ARMCX4: variants seen among roughly 807,000 people sequenced by gnomAD.
ARMCX4 encodes armadillo repeat containing X-linked 4.
Under a neutral mutation model 34.7 loss-of-function variants are expected in ARMCX4, and 3 were observed. That is an observed-to-expected ratio of 0.09 (90% CI 0.04 to 0.22). ARMCX4 has a LOEUF of 0.22. Ranked by LOEUF, ARMCX4 falls within the 10% of genes least tolerant of loss-of-function variation. ARMCX4 has a pLI of 1.00. For missense variants in ARMCX4, 1,448 were observed against 1,720.8 expected (o/e 0.84, Z 2.81); for synonymous variants, 513 against 632.8 (o/e 0.81, Z 2.84).
intron 4 of ARMCX4, among the ~76,000 whole-genome samples, chrX:101,454,888 A>G (rs1283209170): frequency 3.6e-5 from 4 of 110,860 alleles, no homozygotes; most frequent in African/African-American, 9.9e-5. Flanking sequence ...CTAACTTTTC[A>G]CTGTACTCTC....
In ARMCX4 at chrX:101,495,475, T is replaced by TA; in HGVS notation, c.*13_*14insA. 9.2e-7 allele frequency: 1 copy of TA among 1,089,910 alleles called. No homozygotes were observed. Among genetic ancestry groups the TA allele is most frequent in the South Asian group, 2.4e-5 (1 of 41,995 alleles). The allele number at this position is 1,089,910 out of a possible 1,213,427, so 89.8% of individuals were successfully genotyped here. ...AAGTAAACTCTGATTGGCTGTATGT[T>TA]CCCAAACAAATTTGAGTAATATTTT... On this transcript the variant is annotated 3_prime_UTR_variant, in exon 6 of 6. Coordinates refer to ENST00000423738, the MANE Select transcript of ARMCX4 (RefSeq NM_001256155.3).
At chrX:101,430,385 G>T (rs1375862899) in intron 2 of ARMCX4, among the ~76,000 whole-genome samples, 1 of 112,228 alleles carries the variant, frequency 8.9e-6, no homozygotes, top group Admixed American at 9.5e-5. Context: ...TTTTAAGGAG[G>T]TCTAATCAAC....
At chrX:101,438,640 G>T (rs2147553967) in intron 2 of ARMCX4, among the ~76,000 whole-genome samples, 1 of 111,570 alleles carries the variant, frequency 9.0e-6, no homozygotes, top group African/African-American at 3.3e-5. Context: ...CTTGCTTTAT[G>T]AATCTGGGTG....
At chrX:101,477,509 T>G (rs1321316154) in intron 4 of ARMCX4, among the ~76,000 whole-genome samples, 5 of 99,837 alleles carry the variant, frequency 5.0e-5, no homozygotes, top group African/African-American at 1.8e-4. Flanking sequence ...GAAAGACAAT[T>G]ACTGTGCTCA....
At chrX:101,424,996 T>C (rs1009910755) in intron 2 of ARMCX4, among the ~76,000 whole-genome samples, 12 of 111,753 alleles carry the variant, frequency 1.1e-4, no homozygotes, top group African/African-American at 3.6e-4. Context: ...ATTCAAGCCA[T>C]GTGTGGGGAT....
intron 2 of ARMCX4, among the ~76,000 whole-genome samples, chrX:101,432,445 G>A (rs928497852): frequency 9.0e-6 from 1 of 110,898 alleles, no homozygotes; most frequent in Admixed American, 9.7e-5. Flanking sequence ...GTAGGATCAC[G>A]AAGTCAGGAG....
chrX:101,501,858 C>T (rs1053445223), intron 7 of ARMCX4, among the ~76,000 whole-genome samples: 4 of 111,713 alleles, frequency 3.6e-5, no homozygotes, highest in Non-Finnish European at 7.5e-5. Flanking sequence ...GTCTTTACTG[C>T]ATCCTGTTTT....
chrX:101,528,392 A>T (rs1339904994), intron 11 of ARMCX4, among the ~76,000 whole-genome samples: 2 of 111,975 alleles, frequency 1.8e-5, no homozygotes, highest in East Asian at 5.6e-4. Flanking sequence ...GAATGGCAAA[A>T]ACTGGAAGCA....
intron 4 of ARMCX4, among the ~76,000 whole-genome samples, chrX:101,468,856 T>C (rs1253825963): frequency 1.8e-5 from 2 of 111,229 alleles, no homozygotes; most frequent in African/African-American, 6.5e-5. Flanking sequence ...GTATTTTTCA[T>C]AGGCTTCAGT....
intron 4 of ARMCX4, among the ~76,000 whole-genome samples, chrX:101,467,421 G>C (rs1295844281): frequency 2.7e-5 from 3 of 112,031 alleles, no homozygotes; most frequent in Non-Finnish European, 5.6e-5. Flanking sequence ...AAAATGCTGG[G>C]ATTACAGGCA....
At chrX:101,445,751 ACC>A (rs1931583758) in intron 3 of ARMCX4, among the ~76,000 whole-genome samples, 1 of 110,552 alleles carries the variant, frequency 9.0e-6, no homozygotes, top group African/African-American at 3.3e-5. Flanking sequence ...CCTTTCCCCT[ACC>A]CCTATCTATT....
chrX:101,470,334 A>T (rs1173028379), intron 4 of ARMCX4, among the ~76,000 whole-genome samples: 1 of 109,747 alleles, frequency 9.1e-6, no homozygotes, highest in Non-Finnish European at 1.9e-5. Flanking sequence ...CCTTTTTGAG[A>T]CAGAGTCTCA....
intron 12 of ARMCX4, chrX:101,532,209 T>C (rs1935143127): frequency 1.8e-5 from 2 of 111,643 alleles, no homozygotes; most frequent in Admixed American, 9.6e-5. Flanking sequence ...TTTTTCCCCA[T>C]AGTGAGGTTA....
chrX:101,503,100 A>G (rs1188320615), intron 7 of ARMCX4, among the ~76,000 whole-genome samples: 4 of 109,178 alleles, frequency 3.7e-5, no homozygotes, highest in Non-Finnish European at 7.6e-5. Context: ...CCATGTCCCT[A>G]TAAAGGACAT....
At chrX:101,464,839 T>C (rs1932764560) in intron 4 of ARMCX4, among the ~76,000 whole-genome samples, 1 of 111,931 alleles carries the variant, frequency 8.9e-6, no homozygotes, top group Non-Finnish European at 1.9e-5. Context: ...TCACTTGGTC[T>C]CCAAGGCAGT....
intron 2 of ARMCX4, among the ~76,000 whole-genome samples, chrX:101,429,519 A>G (rs974600523): frequency 1.8e-5 from 2 of 109,675 alleles, no homozygotes; most frequent in South Asian, 8.0e-4. Flanking sequence ...TATTTTTAGT[A>G]GAGATGGGGT....
At chrX:101,524,887 G>T (rs1377658840) in intron 11 of ARMCX4, among the ~76,000 whole-genome samples, 1 of 111,984 alleles carries the variant, frequency 8.9e-6, no homozygotes. Flanking sequence ...CTAACAAAAG[G>T]CAGCAGAAAC....
Position 101,490,772 on chromosome X carries a change from T to C in ARMCX4, c.2183T>C (p.Ile728Thr). 2 of 1,148,815 alleles carry C rather than the reference T, an allele frequency of 1.7e-6. No homozygotes were observed. The highest frequency in any genetic ancestry group is 2.3e-6 in the Non-Finnish European group (2 of 870,750). 94.7% of individuals were successfully genotyped at this position (1,148,815 alleles called of 1,213,427 possible). A position where few individuals can be genotyped will look rare whatever the true frequency, so the allele number is the denominator to read the frequency against. ...GTCTTGCCTGGTGCCAAGAATAAGATCAGAGGCAATCCCACTACTGTGCCT... is the reference window on the plus strand; with the variant it reads ...GTCTTGCCTGGTGCCAAGAATAAGACCAGAGGCAATCCCACTACTGTGCCT... ...GEVLPGAKNK[I>T]RGNPTTVPNS... The change falls in exon 6 of 6, where the codon ATC (isoleucine) becomes ACC (threonine). Residue 728 changes from isoleucine to threonine, a missense_variant. By Grantham distance (89) the Ile-to-Thr change is moderately conservative. Coordinates refer to ENST00000423738, the MANE Select transcript of ARMCX4 (RefSeq NM_001256155.3).
At position 101,495,373 on chromosome X, in the gene ARMCX4, G is replaced by T; in HGVS notation, c.6784G>T (p.Ala2262Ser). ...SLYFLFQRPK[A>S]CAKKLRALAA... ...TTATTTCCTATTCCAACGACCTAAA[G>T]CATGTGCCAAGAAACTTCGAGCCTT... Residue 2262 changes from alanine (A) to serine (S), a missense_variant, in exon 6 of 6, where the codon GCA (alanine) becomes TCA (serine). Transcript: ENST00000423738. 1.7e-6 allele frequency: 2 copies of T among 1,152,784 alleles called. No homozygotes were observed. Among genetic ancestry groups the T allele is most frequent in the Non-Finnish European group, 2.3e-6 (2 of 871,846 alleles).
Sources: allele counts gnomAD v4.1 joint callset (sites outside exome capture counted in the v4.1 genomes callset), GRCh38; gene constraint gnomAD v4.1.1; transcripts MANE v1.5; gene names NCBI Gene and HGNC (gene_info 2026-07-23, HGNC 2026-07-21).